ADGRL1: variants seen among roughly 807,000 people sequenced by gnomAD.
ADGRL1 encodes adhesion G protein-coupled receptor L1.
A neutral mutation model predicts 148.9 loss-of-function variants in ADGRL1; 31 were observed. The observed-to-expected ratio is 0.21, with a 90% CI of 0.16 to 0.28. The LOEUF (loss-of-function observed/expected upper bound fraction) is 0.28. Among genes scored for constraint, ADGRL1 ranks in the 10% least tolerant of loss-of-function variants. The probability of loss-of-function intolerance (pLI) is 1.00; values close to 1 mark genes in which losing one functional copy is unlikely to be tolerated. For synonymous variants in ADGRL1, 937 were observed against 900.3 expected (o/e 1.04, Z -0.73); for missense variants, 1,521 against 2,058.8 (o/e 0.74, Z 5.05).
Position 14,155,485 on chromosome 19 carries a change from G to A in ADGRL1, c.3168C>T (p.Gly1056=). 7 of 1,613,990 alleles carry A rather than the reference G, an allele frequency of 4.3e-6. No individual in the cohort carries two copies. Among genetic ancestry groups the A allele is most frequent in the Non-Finnish European group, 5.9e-6 (7 of 1,179,968 alleles). ...LGAIALLFLL[G]LTWAFGLLFI... is the part of the protein sequence containing the mutation. Reference sequence around the variant, plus strand: ...AGAGGAGGCCGAAAGCCCAGGTGAGGCCCAGCAGGAACAGCAGCGCGATGG... The same window carrying A: ...AGAGGAGGCCGAAAGCCCAGGTGAGACCCAGCAGGAACAGCAGCGCGATGG... Residue 1056 remains glycine, a synonymous_variant, in exon 18 of 23, where the codon GGC becomes GGT. Transcript: ENST00000361434. The surrounding 1 kb of genome is among the most constrained non-coding windows in gnomAD (Gnocchi z 5.0).
intron 1 of ADGRL1, among the ~76,000 whole-genome samples, chr19:14,185,670 G>C (rs779396144): frequency 1.7e-4 from 26 of 152,190 alleles, no homozygotes; most frequent in Non-Finnish European, 3.5e-4. Flanking sequence ...ATCCCAGCCT[G>C]TCCCATCTCA....
At position 14,155,385 on chromosome 19, in the gene ADGRL1, C is replaced by T. The variant is rs536482945; in HGVS notation, c.3268G>A (p.Val1090Ile). The part of the protein sequence containing the change: ...FNAFQGVFIF[V>I]FHCALQKKVH... ...TTCTTCTGTAAGGCGCAGTGAAAGA[C>T]GAAGATGAAGACCCCCTGGAAGGCG... The change falls in exon 18 of 23, where the codon GTC becomes ATC. Residue 1090 changes from valine (V) to isoleucine (I), a missense_variant. Val to Ile is a conservative substitution (Grantham distance 29, BLOSUM62 3). Transcript: ENST00000361434. This position sits in a 1 kb window ranked among gnomAD's most constrained non-coding sequence, Gnocchi z 5.0. 29 of 1,613,886 alleles carry T rather than the reference C, an allele frequency of 1.8e-5. No homozygotes were observed. In the Admixed American group the frequency reaches 2.5e-4, roughly 14 times the overall value.
Position 14,155,620 on chromosome 19 carries a change from G to A in ADGRL1, c.3126-93C>T, listed in dbSNP as rs180710791. 2.3e-5 allele frequency: 31 copies of A among 1,351,714 alleles called. No homozygotes were observed. The Admixed American group carries it at 5.5e-4, about 24-fold the overall frequency. 83.7% of individuals were successfully genotyped at this position (1,351,714 alleles called of 1,614,324 possible). A position where few individuals can be genotyped will look rare whatever the true frequency, so the allele number is the denominator to read the frequency against. ...TGCAGCCTACAACGGGGGCCCTTGG[G>A]TGGGCCTGGGCACTGTCTGCAAAGC... On this transcript the variant is annotated intron_variant, in intron 17 of 22. Coordinates refer to ENST00000361434, the MANE Select transcript of ADGRL1 (RefSeq NM_014921.5). The surrounding 1 kb of genome is among the most constrained non-coding windows in gnomAD (Gnocchi z 5.0).
At chr19:14,188,920 CCCA>C (rs929372015) in intron 1 of ADGRL1, among the ~76,000 whole-genome samples, 1 of 151,790 alleles carries the variant, frequency 6.6e-6, no homozygotes, top group Non-Finnish European at 1.5e-5. Context: ...ATTATAGGCG[CCCA>C]CCACCACGAG....
chr19:14,172,689 G>A (rs1599458598), intron 3 of ADGRL1, among the ~76,000 whole-genome samples: 3 of 152,222 alleles, frequency 2.0e-5, no homozygotes, highest in South Asian at 2.1e-4. Flanking sequence ...GCAGTGAGCC[G>A]AGATCGCACC....
At chr19:14,182,821 C>T (rs962568817) in intron 2 of ADGRL1, among the ~76,000 whole-genome samples, 1 of 152,184 alleles carries the variant, frequency 6.6e-6, no homozygotes, top group African/African-American at 2.4e-5. Context: ...CCAGCTGAAC[C>T]GTGTCCCTTC....
chr19:14,163,445 A>C, intron 4 of ADGRL1, 39 bp from the exon 5 acceptor site: 1 of 1,090,428 alleles, frequency 9.2e-7, no homozygotes, highest in Non-Finnish European at 1.3e-6. Context: ...GTAGGAGAGA[A>C]GGGGCAGAGG....
chr19:14,198,859 G>A (rs79095616), intron 1 of ADGRL1, among the ~76,000 whole-genome samples: 2,153 of 152,208 alleles, frequency 0.014, 50 homozygotes, highest in African/African-American at 0.048. Context: ...ACTCTGTTGC[G>A]CTCACCATCA....
Position 14,159,081 on chromosome 19 carries a change from G to A in ADGRL1, c.2149+9C>T. On this transcript the variant is annotated intron_variant, in intron 11 of 22. Coordinates refer to ENST00000361434, the MANE Select transcript of ADGRL1 (RefSeq NM_014921.5). This position sits in a 1 kb window ranked among gnomAD's most constrained non-coding sequence, Gnocchi z 6.0. ...CTTCCCCACCCGAGGCCCCGCCGGG[G>A]ACACTGACCATTGCGGCTGTTCTGC... The A allele has an allele frequency of 2.5e-6, 4 of 1,613,538 alleles. No individual in the cohort carries two copies. The highest frequency in any genetic ancestry group is 2.5e-6 in the Non-Finnish European group (3 of 1,180,006).
intron 2 of ADGRL1, among the ~76,000 whole-genome samples, chr19:14,179,072 G>A (rs1002989995): frequency 6.6e-6 from 1 of 151,798 alleles, no homozygotes; most frequent in Non-Finnish European, 1.5e-5. Context: ...TAATCCCAGC[G>A]ACTTGAGAGG....
chr19:14,152,451 C>T lies in ADGRL1; in HGVS notation c.3521-14G>A, dbSNP rs1426279140. 1 of 1,606,290 alleles carries T rather than the reference C, an allele frequency of 6.2e-7. No homozygotes were observed. The highest frequency in any genetic ancestry group is 8.5e-7 in the Non-Finnish European group (1 of 1,174,382). On this transcript the variant is annotated splice_polypyrimidine_tract_variant and intron_variant, in intron 20 of 22. Transcript: ENST00000361434. This position sits in a 1 kb window ranked among gnomAD's most constrained non-coding sequence, Gnocchi z 6.1. ...TCCCCATGGTACCTGGCCAAAGGAT[C>T]AGAGGTCACAAGGCAGCCGGGAGCC...
chr19:14,159,461 A>T lies in ADGRL1; in HGVS notation c.1963T>A (p.Phe655Ile). 1 of 1,613,368 alleles carries T rather than the reference A, an allele frequency of 6.2e-7. No homozygotes were observed. The highest frequency in any genetic ancestry group is 8.5e-7 in the Non-Finnish European group (1 of 1,179,762). The change falls in exon 10 of 23, where the codon TTC becomes ATC. Residue 655 changes from phenylalanine to isoleucine, a missense_variant. Around this residue, in one of 8 missense-constraint regions of ADGRL1, gnomAD observed 265 missense variants for 431.9 expected, o/e 0.61. Transcript: ENST00000361434. The surrounding 1 kb of genome is among the most constrained non-coding windows in gnomAD (Gnocchi z 6.0). Reference sequence around the variant, plus strand: ...TCCCTGACATTGTCGGCCAGCAGGAAGGCGCCCTCCTCCAGGACGTCGAGG... The same window carrying T: ...TCCCTGACATTGTCGGCCAGCAGGATGGCGCCCTCCTCCAGGACGTCGAGG... ...MLLDVLEEGA[F>I]LLADNVREPA... is the part of the protein sequence containing the mutation.
Position 14,160,707 on chromosome 19 carries a change from A to G in ADGRL1, c.1511-11T>C. On this transcript the variant is annotated splice_polypyrimidine_tract_variant and intron_variant, in intron 6 of 22. Transcript: ENST00000361434. The surrounding 1 kb of genome is among the most constrained non-coding windows in gnomAD (Gnocchi z 5.9). ...GGAAGGAGGCAATTCCTGCAGGGAC[A>G]GACAGACAGGAACAGACAAGGGAGC... 5 of 1,530,370 alleles carry G rather than the reference A, an allele frequency of 3.3e-6. No homozygotes were observed. Among genetic ancestry groups the G allele is most frequent in the Non-Finnish European group, 4.5e-6 (5 of 1,105,592 alleles). 94.8% of individuals were successfully genotyped at this position (1,530,370 alleles called of 1,614,324 possible).
In ADGRL1 at chr19:14,149,304, A is replaced by C. The variant is rs910305533; in HGVS notation, c.*1569T>G. 6.6e-6 allele frequency: 1 copy of C among 152,308 alleles called. No homozygotes were observed. The highest frequency in any genetic ancestry group is 1.5e-5 in the Non-Finnish European group (1 of 68,122). The allele number at this position is 152,308 out of a possible 1,614,324, so 9.4% of individuals were successfully genotyped here. A position where few individuals can be genotyped will look rare whatever the true frequency, so the allele number is the denominator to read the frequency against. ...CACCTGGCTTCGTCTTCCCTGCGGG[A>C]AGGTGGAGGATAGGGAAGGTGATCT... On this transcript the variant is annotated 3_prime_UTR_variant, in exon 23 of 23. Coordinates refer to ENST00000361434, the MANE Select transcript of ADGRL1 (RefSeq NM_014921.5).
Position 14,162,025 on chromosome 19 carries a change from C to T in ADGRL1, c.1196-399G>A, listed in dbSNP as rs1252990711. On this transcript the variant is annotated intron_variant, in intron 5 of 22. Transcript: ENST00000361434. This position sits in a 1 kb window ranked among gnomAD's most constrained non-coding sequence, Gnocchi z 5.4. ...CCACCGCCCCCCATCCTCGTTCTAG[C>T]TGACTTTGGCTTATGTAACCTGGCT... Among the ~76,000 whole-genome samples, 1 of 152,178 alleles carries T rather than the reference C, an allele frequency of 6.6e-6. No homozygotes were observed. The highest frequency in any genetic ancestry group is 1.5e-5 in the Non-Finnish European group (1 of 68,028).
In ADGRL1 at chr19:14,157,369, G is replaced by A. The variant is rs764761983; in HGVS notation, c.2627C>T (p.Thr876Ile). ...CTGCAGCCCCCGCAGGAAGCAGAAG[G>A]TGGAGATGCAGATGGCCAAGCAGAC... Reference protein sequence around the residue: ...SLVCLAICISTFCFLRGLQTD... With the variant: ...SLVCLAICISIFCFLRGLQTD... Residue 876 changes from threonine (T) to isoleucine (I), a missense_variant, in exon 14 of 23, where the codon ACC becomes ATC. This residue lies in a region of ADGRL1 where 265 missense variants were observed against 431.9 expected (regional missense o/e 0.61). Coordinates refer to ENST00000361434, the MANE Select transcript of ADGRL1 (RefSeq NM_014921.5). The surrounding 1 kb of genome is among the most constrained non-coding windows in gnomAD (Gnocchi z 7.5). The A allele has an allele frequency of 1.9e-6, 3 of 1,614,224 alleles. No homozygotes were observed. The highest frequency in any genetic ancestry group is 2.5e-6 in the Non-Finnish European group (3 of 1,180,024).
rs867109253 is a variant in ADGRL1 at position 14,177,640 on chromosome 19, C to T, written c.175G>A (p.Glu59Lys). 1.2e-6 allele frequency: 2 copies of T among 1,614,250 alleles called. No individual in the cohort carries two copies. The highest frequency in any genetic ancestry group is 1.7e-6 in the Non-Finnish European group (2 of 1,180,052). Residue 59 changes from glutamate to lysine, a missense_variant, in exon 3 of 23, where the codon GAG (glutamate) becomes AAG (lysine). By Grantham distance (56) the Glu-to-Lys change is moderately conservative (BLOSUM62 1). Coordinates refer to ENST00000361434, the MANE Select transcript of ADGRL1 (RefSeq NM_014921.5). ...TCCGTGCGCCCGTAGTTGGCATTCT[C>T]CACCATGATGACGTCGCTGCCGGGG... is the stretch of plus-strand genomic sequence containing the variant. ...RCPGSDVIMV[E>K]NANYGRTDDK...
intron 3 of ADGRL1, among the ~76,000 whole-genome samples, chr19:14,173,203 T>C (rs563094579): frequency 3.9e-5 from 6 of 152,258 alleles, no homozygotes; most frequent in African/African-American, 1.4e-4. Flanking sequence ...TCAAACAATC[T>C]ACCCGTCTCG....
chr19:14,205,707 G>A (rs10421915), intron 1 of ADGRL1, among the ~76,000 whole-genome samples: 16,977 of 143,426 alleles, frequency 0.12, 1,145 homozygotes, highest in Non-Finnish European at 0.15. Context: ...CCCTCCCCCC[G>A]CCAGGCACCC....
Sources: allele counts gnomAD v4.1 joint callset (sites outside exome capture counted in the v4.1 genomes callset), GRCh38; gene constraint gnomAD v4.1.1; regional missense constraint gnomAD v4.1.1; non-coding constraint Gnocchi (gnomAD v3.1); transcripts MANE v1.5; gene names NCBI Gene and HGNC (gene_info 2026-07-23, HGNC 2026-07-21).